LIPG: variants seen among roughly 807,000 people sequenced by gnomAD.
LIPG encodes endothelial lipase.
In LIPG, 34 loss-of-function variants were observed where a neutral mutation model predicts 51.8. The observed-to-expected ratio is 0.66, with a 90% CI of 0.50 to 0.87. LIPG has a LOEUF of 0.87. Among genes scored for constraint, LIPG ranks in the 40% least tolerant of loss-of-function variants. The pLI is 0.00. For missense variants in LIPG, 580 were observed against 652.7 expected (o/e 0.89, Z 1.21); for synonymous variants, 246 against 246.1 (o/e 1.00, Z 0.00).
At chr18:49,568,234 G>C (rs1568527220) in intron 3 of LIPG, among the ~76,000 whole-genome samples, 2 of 152,208 alleles carry the variant, frequency 1.3e-5, no homozygotes, top group African/African-American at 4.8e-5. Context: ...ATTTCGCTGT[G>C]TTAGCCAGGA....
intron 6 of LIPG, 36 bp downstream of exon 6, chr18:49,581,693 C>T: frequency 6.2e-7 from 1 of 1,606,694 alleles, no homozygotes; most frequent in Non-Finnish European, 8.5e-7. Flanking sequence ...CTGAGGAAGG[C>T]CCTTAATACC....
At chr18:49,563,889 G>C (rs77163020) in intron 1 of LIPG, among the ~76,000 whole-genome samples, 1,897 of 152,252 alleles carry the variant, frequency 0.012, 35 homozygotes, top group African/African-American at 0.043. Flanking sequence ...CCGCAGATCT[G>C]TCTCAGGAAT....
At position 49,586,741 on chromosome 18, in the gene LIPG, C is replaced by T; in HGVS notation, c.1377-5C>T. 1.2e-6 allele frequency: 2 copies of T among 1,610,360 alleles called. No homozygotes were observed. The highest frequency in any genetic ancestry group is 1.7e-6 in the Non-Finnish European group (2 of 1,176,558). Reference sequence around the variant, plus strand: ...CCTACATCAGTGGTTTCTTTTCCCTCCTAGACTGACATTTTGTACAGAAGA... The same window carrying T: ...CCTACATCAGTGGTTTCTTTTCCCTTCTAGACTGACATTTTGTACAGAAGA... On this transcript the variant is annotated splice_region_variant and splice_polypyrimidine_tract_variant and intron_variant, in intron 8 of 9. Coordinates refer to ENST00000261292, the MANE Select transcript of LIPG (RefSeq NM_006033.4).
chr18:49,562,424 T>C lies in LIPG; in HGVS notation c.97+19T>C. 6 of 1,605,030 alleles carry C rather than the reference T, an allele frequency of 3.7e-6. No homozygotes were observed. Among genetic ancestry groups the C allele is most frequent in the Non-Finnish European group, 4.3e-6 (5 of 1,171,836 alleles). The stretch of plus-strand genomic sequence containing the variant: ...CTGGAAGGTAACGTGAATTTGTTTT[T>C]ATTCCCCCCAGCCACTTCTCTGTGC... On this transcript the variant is annotated intron_variant, in intron 1 of 9. Transcript: ENST00000261292.
intron 9 of LIPG, 107 bp downstream of exon 9, chr18:49,586,957 C>T: frequency 1.2e-6 from 1 of 832,954 alleles, no homozygotes. Flanking sequence ...ATGAACAAAA[C>T]AGATAAAAAT....
At chr18:49,578,249 G>T (rs1053571712) in intron 5 of LIPG, among the ~76,000 whole-genome samples, 5 of 145,564 alleles carry the variant, frequency 3.4e-5, no homozygotes, top group African/African-American at 1.0e-4. Context: ...GGGCGGAGGG[G>T]CTCCTCACTT....
rs2084641121 is a variant in LIPG at position 49,569,500 on chromosome 18, G to A, written c.523G>A (p.Ala175Thr). 1.2e-6 allele frequency: 2 copies of A among 1,614,108 alleles called. No homozygotes were observed. The highest frequency in any genetic ancestry group is 1.7e-6 in the Non-Finnish European group (2 of 1,180,056). ...CGGCTACAGCCTCGGAGCGCACGTGGCCGGGTATGCAGGCAACTTCGTGAA... is the reference window on the plus strand; with the variant it reads ...CGGCTACAGCCTCGGAGCGCACGTGACCGGGTATGCAGGCAACTTCGTGAA... ...LIGYSLGAHVAGYAGNFVKGT... is the reference protein window; with the variant it reads ...LIGYSLGAHVTGYAGNFVKGT... The change falls in exon 4 of 10, where the codon GCC becomes ACC. Residue 175 changes from alanine (A) to threonine (T), a missense_variant. Transcript: ENST00000261292.
chr18:49,581,298 A>G, intron 5 of LIPG, 117 bp from the exon 6 acceptor site: 2 of 1,433,040 alleles, frequency 1.4e-6, no homozygotes, highest in Non-Finnish European at 2.0e-6. Context: ...ATTACATGAA[A>G]ATACTAACAG....
In LIPG at chr18:49,583,397, G is replaced by C. The variant is rs73960672; in HGVS notation, c.1158-159G>C. ...TGGAGTACACCTGAGCTTCCATCTT[G>C]GTCCTGTTGATAGGAAGTAGAGGGA... On this transcript the variant is annotated intron_variant, in intron 7 of 9. Transcript: ENST00000261292. 6.2e-3 allele frequency among the ~76,000 whole-genome samples: 944 copies of C among 152,168 alleles called. 10 individuals carry two copies. The highest frequency in any genetic ancestry group is 0.021 in the African/African-American group (890 of 41,508).
At position 49,592,816 on chromosome 18, in the gene LIPG, T is replaced by TA. The variant is rs199879783; in HGVS notation, c.*2301dup. 2 of 151,570 alleles carry TA rather than the reference T, an allele frequency of 1.3e-5. No individual in the cohort carries two copies. Among genetic ancestry groups the TA allele is most frequent in the African/African-American group, 2.4e-5 (1 of 41,280 alleles). The allele number at this position is 151,570 out of a possible 1,614,324, so 9.4% of individuals were successfully genotyped here. On this transcript the variant is annotated 3_prime_UTR_variant, in exon 10 of 10. Transcript: ENST00000261292. The stretch of plus-strand genomic sequence containing the variant: ...TTATTTCTCGTGTATATAATGTATA[T>TA]AAAAAAATATGGTTAGTGTTTACCT...
intron 1 of LIPG, among the ~76,000 whole-genome samples, chr18:49,563,279 T>G (rs2148846512): frequency 6.6e-6 from 1 of 152,262 alleles, no homozygotes; most frequent in Middle Eastern, 3.4e-3. Context: ...AAGCCTTGCT[T>G]TACTCAACAT....
Position 49,565,311 on chromosome 18 carries a change from C to T in LIPG, c.98-6C>T. The T allele has an allele frequency of 6.2e-7, 1 of 1,613,752 alleles. No homozygotes were observed. On this transcript the variant is annotated splice_region_variant and splice_polypyrimidine_tract_variant and intron_variant, in intron 1 of 9. Transcript: ENST00000261292. ...GATGCACCCACGCTCTGTTCTGTCT[C>T]CCCAGATAAGCTCCACAAACCCAAA...
rs34734805 is a variant in LIPG at position 49,587,568 on chromosome 18, C to CAAAAAAAAAAAAAAAAAAAA, written c.1481+725_1481+744dup. ...TGGGTGACAGAGTGAGACTCCGTCTCAAAAAAAAAAAAAAAAAAAAAAAAA... is the reference window on the plus strand; with the variant it reads ...TGGGTGACAGAGTGAGACTCCGTCTCAAAAAAAAAAAAAAAAAAAAAAAAAAAAAAAAAAAAAAAAAAAAA... On this transcript the variant is annotated intron_variant, in intron 9 of 9. Coordinates refer to ENST00000261292, the MANE Select transcript of LIPG (RefSeq NM_006033.4). Among the ~76,000 whole-genome samples, 2 of 42,308 alleles carry CAAAAAAAAAAAAAAAAAAAA rather than the reference C, an allele frequency of 4.7e-5. 1 individual carries two copies. The highest frequency in any genetic ancestry group is 1.6e-4 in the African/African-American group (2 of 12,624). The allele number at this position is 42,308 out of a possible 152,430, so 27.8% of individuals were successfully genotyped here.
Position 49,593,788 on chromosome 18 carries a change from G to A in LIPG, c.*3266G>A, listed in dbSNP as rs1018351822. 2 of 152,170 alleles carry A rather than the reference G, an allele frequency of 1.3e-5. No homozygotes were observed. Among genetic ancestry groups the A allele is most frequent in the Non-Finnish European group, 2.9e-5 (2 of 68,020 alleles). 9.4% of individuals were successfully genotyped at this position (152,170 alleles called of 1,614,324 possible). On this transcript the variant is annotated 3_prime_UTR_variant, in exon 10 of 10. Coordinates refer to ENST00000261292, the MANE Select transcript of LIPG (RefSeq NM_006033.4). The stretch of plus-strand genomic sequence containing the variant: ...TCTATTGGCCAGAAATAAATCCATG[G>A]TCACATGACAGGCTGGGAAATACAG...
rs903519560 is a variant in LIPG at position 49,567,556 on chromosome 18, A to G, written c.394A>G (p.Thr132Ala). 2 of 1,614,130 alleles carry G rather than the reference A, an allele frequency of 1.2e-6. No homozygotes were observed. Among genetic ancestry groups the G allele is most frequent in the South Asian group, 2.2e-5 (2 of 91,074 alleles). Reference sequence around the variant, plus strand: ...GCTCCCCCTGGCCCACCAGCTTTACACGGATGCGGTCAATAATACCAGGGT... The same window carrying G: ...GCTCCCCCTGGCCCACCAGCTTTACGCGGATGCGGTCAATAATACCAGGGT... ...DWLPLAHQLY[T>A]DAVNNTRVVG... Residue 132 changes from threonine to alanine, a missense_variant, in exon 3 of 10, where the codon ACG becomes GCG. Transcript: ENST00000261292.
intron 3 of LIPG, 116 bp from the exon 4 acceptor site, chr18:49,569,318 CTCT>C: frequency 1.2e-6 from 1 of 834,772 alleles, no homozygotes; most frequent in South Asian, 1.4e-5. Flanking sequence ...CCTGGGGAGT[CTCT>C]GTGCCCACGG....
intron 8 of LIPG, among the ~76,000 whole-genome samples, chr18:49,585,935 C>T (rs114348938): frequency 1.6e-3 from 244 of 152,232 alleles, no homozygotes; most frequent in African/African-American, 5.6e-3. Flanking sequence ...TGTGTATAAA[C>T]ATATAGGTCC....
At chr18:49,563,087 C>T (rs189915435) in intron 1 of LIPG, among the ~76,000 whole-genome samples, 2 of 152,282 alleles carry the variant, frequency 1.3e-5, no homozygotes, top group African/African-American at 4.8e-5. Context: ...CTGGGGGAGC[C>T]AGAGTCAGTC....
chr18:49,573,061 C>A (rs1468178000), intron 4 of LIPG, among the ~76,000 whole-genome samples: 1 of 152,216 alleles, frequency 6.6e-6, no homozygotes, highest in Non-Finnish European at 1.5e-5. Flanking sequence ...GGTGAAGGCC[C>A]AGCCTTGCCT....
Sources: allele counts gnomAD v4.1 joint callset (sites outside exome capture counted in the v4.1 genomes callset), GRCh38; gene constraint gnomAD v4.1.1; transcripts MANE v1.5; gene names NCBI Gene and HGNC (gene_info 2026-07-23, HGNC 2026-07-21).